LINC00237: variants seen among roughly 807,000 people sequenced by gnomAD.
LINC00237 encodes the protein long intergenic non-protein coding RNA 237.
intron 1 of LINC00237, among the ~76,000 whole-genome samples, chr20:21,103,231 C>T (rs996599332): frequency 6.6e-6 from 1 of 152,244 alleles, no homozygotes; most frequent in Non-Finnish European, 1.5e-5. Flanking sequence ...TTTCCCTGCT[C>T]AACACGAAAG....
chr20:21,094,922 G>A (rs530381816), intron 1 of LINC00237, among the ~76,000 whole-genome samples: 135 of 152,258 alleles, frequency 8.9e-4, no homozygotes, highest in African/African-American at 2.6e-3. Flanking sequence ...ATGGTGGTGC[G>A]TGCCTGTAAT....
intron 3 of LINC00237, among the ~76,000 whole-genome samples, chr20:21,086,869 T>G (rs1287094509): frequency 7.5e-6 from 1 of 133,042 alleles, no homozygotes; most frequent in African/African-American, 2.8e-5. Context: ...ATGTATATAG[T>G]ATACACTATA....
At chr20:21,097,929 A>G (rs1741249003) in intron 1 of LINC00237, among the ~76,000 whole-genome samples, 1 of 152,210 alleles carries the variant, frequency 6.6e-6, no homozygotes. Flanking sequence ...AATTCTCAAC[A>G]TTTCCATGTT....
chr20:21,091,661 T>TA (rs1469900689), intron 2 of LINC00237, among the ~76,000 whole-genome samples: 2 of 152,170 alleles, frequency 1.3e-5, no homozygotes, highest in Non-Finnish European at 2.9e-5. Context: ...AACCAAATAC[T>TA]AAAAAGGGGT....
intron 1 of LINC00237, among the ~76,000 whole-genome samples, chr20:21,095,281 T>C (rs1391679357): frequency 6.6e-6 from 1 of 152,166 alleles, no homozygotes; most frequent in Non-Finnish European, 1.5e-5. Context: ...TTAGAGGTCA[T>C]GTGGAGACAG....
chr20:21,102,697 A>AT (rs11464395), intron 1 of LINC00237, among the ~76,000 whole-genome samples: 1 of 18,318 alleles, frequency 5.5e-5, no homozygotes, highest in African/African-American at 2.0e-4. Flanking sequence ...ATTTTATAAG[A>AT]AAAAAAAAAA....
chr20:21,087,352 T>C (rs930890389), intron 3 of LINC00237, among the ~76,000 whole-genome samples: 3 of 152,170 alleles, frequency 2.0e-5, no homozygotes, highest in African/African-American at 7.2e-5. Context: ...CATGGTTTAA[T>C]TAAACATTCC....
chr20:21,096,087 C>T (rs1236830335), intron 1 of LINC00237, among the ~76,000 whole-genome samples: 1 of 152,174 alleles, frequency 6.6e-6, no homozygotes, highest in Non-Finnish European at 1.5e-5. Context: ...GATCACCTTT[C>T]GGTAATACAT....
intron 3 of LINC00237, among the ~76,000 whole-genome samples, chr20:21,086,635 C>CA (rs2030701928): frequency 7.3e-5 from 5 of 68,648 alleles, no homozygotes; most frequent in African/African-American, 2.5e-4. Context: ...ATATAGTATA[C>CA]TATATATAGT....
chr20:21,106,036 G>A (rs1265258203), intron 1 of LINC00237, among the ~76,000 whole-genome samples: 2 of 152,176 alleles, frequency 1.3e-5, no homozygotes, highest in Admixed American at 1.3e-4. Context: ...CCGAATCCTA[G>A]GGACTCTCTA....
Position 21,097,025 on chromosome 20 carries a change from G to A in LINC00237, n.89-3173C>T, listed in dbSNP as rs151302211. On this transcript the variant is annotated intron_variant and non_coding_transcript_variant, in intron 1 of 3. Transcript: ENST00000691244. The stretch of plus-strand genomic sequence containing the variant: ...ACCCCTATGTGACACTCAACCTGTC[G>A]GATTGGAATCCTAGCCAGGAGAGGG... Among the ~76,000 whole-genome samples, 576 of 152,262 alleles carry A rather than the reference G, an allele frequency of 3.8e-3. 1 individual carries two copies. The highest frequency in any genetic ancestry group is 6.8e-3 in the Middle Eastern group (2 of 294).
At position 21,092,702 on chromosome 20, in the gene LINC00237, G is replaced by C. The variant is rs1405627514; in HGVS notation, n.472+767C>G. The stretch of plus-strand genomic sequence containing the variant: ...TCTTCCCGATCTTTAGGAGTTGCAG[G>C]CTTCTATGTATATTTTCTGATGCTG... On this transcript the variant is annotated intron_variant and non_coding_transcript_variant, in intron 2 of 3. Transcript: ENST00000691244. The C allele has an allele frequency of 3.3e-5, 5 of 152,090 alleles. No individual in the cohort carries two copies. The East Asian group carries it at 9.6e-4, about 29-fold the overall frequency. The allele number at this position is 152,090 out of a possible 1,614,324, so 9.4% of individuals were successfully genotyped here.
chr20:21,089,358 C>A (rs1379225880), intron 2 of LINC00237, among the ~76,000 whole-genome samples: 1 of 151,676 alleles, frequency 6.6e-6, no homozygotes, highest in Non-Finnish European at 1.5e-5. Context: ...TCTAACAAAC[C>A]AGAGACTGCC....
intron 1 of LINC00237, among the ~76,000 whole-genome samples, chr20:21,097,267 G>A (rs1228876643): frequency 2.0e-5 from 3 of 152,082 alleles, no homozygotes; most frequent in African/African-American, 4.8e-5. Context: ...AATGAAAGGT[G>A]ACAGGTTTAT....
In LINC00237 at chr20:21,100,312, C is replaced by T. The variant is rs1281682512; in HGVS notation, n.88+5959G>A. ...TGCGGGCGGCGGCAAAATACAGCCA[C>T]GAGCCGGGACCAGTAATGTCAAATA... On this transcript the variant is annotated intron_variant and non_coding_transcript_variant, in intron 1 of 3. Transcript: ENST00000691244. 2.6e-5 allele frequency among the ~76,000 whole-genome samples: 4 copies of T among 152,188 alleles called. No homozygotes were observed. The East Asian group carries it at 7.7e-4, about 29-fold the overall frequency.
chr20:21,092,178 C>T (rs182782001), intron 2 of LINC00237, among the ~76,000 whole-genome samples: 90 of 152,264 alleles, frequency 5.9e-4, no homozygotes, highest in African/African-American at 2.0e-3. Context: ...TATTATCAAC[C>T]AATAAATACC....
rs1486374763 is a variant in LINC00237 at position 21,101,032 on chromosome 20, T to A, written n.88+5239A>T. 6.6e-6 allele frequency among the ~76,000 whole-genome samples: 1 copy of A among 151,656 alleles called. No individual in the cohort carries two copies. Among genetic ancestry groups the A allele is most frequent in the East Asian group, 1.9e-4 (1 of 5,130 alleles). ...ATCATGCAGCGGGCAAACAAGGAGA[T>A]TTATCCCGCGACAAACAGCCCCACC... On this transcript the variant is annotated intron_variant and non_coding_transcript_variant, in intron 1 of 3. Transcript: ENST00000691244. The surrounding 1 kb of genome is among the most constrained non-coding windows in gnomAD (Gnocchi z 4.3).
At chr20:21,091,023 TA>T (rs2030784869) in intron 2 of LINC00237, among the ~76,000 whole-genome samples, 1 of 151,964 alleles carries the variant, frequency 6.6e-6, no homozygotes, top group South Asian at 2.1e-4. Flanking sequence ...AAGTAGCCAT[TA>T]GCCTGTCAGT....
At chr20:21,092,799 A>C (rs899336239) in intron 2 of LINC00237, 6 of 152,204 alleles carry the variant, frequency 3.9e-5, no homozygotes, top group African/African-American at 7.2e-5. Flanking sequence ...ACTAACCCCC[A>C]AAAAAGAGCT....
Sources: gnomAD v4.1 joint callset for allele counts (sites outside exome capture counted in the v4.1 genomes callset) on GRCh38, gnomAD v4.1.1 for gene constraint, Gnocchi (gnomAD v3.1) non-coding constraint, MANE v1.5 for transcripts, NCBI Gene and HGNC (gene_info 2026-07-23, HGNC 2026-07-21) for gene names.